CEP85L: variants seen among roughly 807,000 people sequenced by gnomAD.
CEP85L encodes centrosomal protein of 85 kDa-like.
CEP85L carries 60 observed loss-of-function variants against 100.3 expected under a neutral mutation model. The ratio of observed to expected loss-of-function variants is 0.60; its 90% CI spans 0.49 to 0.74. The LOEUF is 0.74. Among genes scored for constraint, CEP85L ranks in the 30% least tolerant of loss-of-function variants. The probability of loss-of-function intolerance (pLI) is 0.00; values close to 1 mark genes in which losing one functional copy is unlikely to be tolerated. For missense variants in CEP85L, 973 were observed against 936.2 expected (o/e 1.04, Z -0.51); for synonymous variants, 319 against 322.7 (o/e 0.99, Z 0.12).
intron 6 of CEP85L, among the ~76,000 whole-genome samples, chr6:118,485,375 A>C (rs1562187828): frequency 6.7e-6 from 1 of 149,000 alleles, no homozygotes; most frequent in African/African-American, 2.5e-5. Context: ...GTATTTTCTA[A>C]TTTTTTTCAG....
At chr6:118,655,338 G>T (rs1202730517), upstream of CEP85L, among the ~76,000 whole-genome samples, 2 of 152,160 alleles carry the variant, frequency 1.3e-5, no homozygotes, top group Non-Finnish European at 2.9e-5. Flanking sequence ...ATAGGAAGTG[G>T]GTGTGGGAGG....
intron 6 of CEP85L, among the ~76,000 whole-genome samples, chr6:118,487,119 A>T (rs1033796605): frequency 7.2e-5 from 11 of 152,230 alleles, no homozygotes; most frequent in African/African-American, 2.4e-4. Flanking sequence ...GAAAAATATT[A>T]AGCTAGATTT....
intron 3 of CEP85L, chr6:118,560,594 G>A (rs1432475806): frequency 6.0e-6 from 1 of 166,944 alleles, no homozygotes; most frequent in African/African-American, 2.4e-5. Flanking sequence ...TTGTTCAAGG[G>A]TCAACTGTAA....
chr6:118,501,895 C>T, intron 5 of CEP85L: 1 of 1,180,496 alleles, frequency 8.5e-7, no homozygotes, highest in South Asian at 1.3e-5. Flanking sequence ...AAAAGAAAGA[C>T]AAAGATATGC....
upstream of CEP85L, among the ~76,000 whole-genome samples, chr6:118,653,031 T>C (rs146698895): frequency 2.4e-3 from 372 of 152,350 alleles, no homozygotes; most frequent in Admixed American, 5.3e-3. Flanking sequence ...TCATTTGTGA[T>C]GCAGTTCTAA....
At position 118,558,982 on chromosome 6, in the gene CEP85L, C is replaced by CCT. The variant is rs794729138; in HGVS notation, c.1020+6545_1020+6546dup. On this transcript the variant is annotated intron_variant, in intron 3 of 12. Coordinates refer to ENST00000368491, the MANE Select transcript of CEP85L (RefSeq NM_001042475.3). The stretch of plus-strand genomic sequence containing the variant: ...AAGAAGAGCCTCAACCATTGAAATG[C>CCT]CTCAACAAGCACGTCAAAAGCTACA... 31 of 1,611,584 alleles carry CCT rather than the reference C, an allele frequency of 1.9e-5. No homozygotes were observed. Among genetic ancestry groups the CCT allele is most frequent in the Non-Finnish European group, 2.6e-5 (31 of 1,177,812 alleles).
intron 2 of CEP85L, among the ~76,000 whole-genome samples, chr6:118,573,361 A>G (rs1489990688): frequency 6.6e-6 from 1 of 152,252 alleles, no homozygotes; most frequent in African/African-American, 2.4e-5. Flanking sequence ...ATAGAAAAAT[A>G]TATTTTCAGC....
chr6:118,681,302 TG>T lies in CEP85L; in HGVS notation c.-27-28495del, dbSNP rs546574643. Among the ~76,000 whole-genome samples the T allele has an allele frequency of 1.1e-3, 162 of 152,340 alleles. 1 individual carries two copies. The highest frequency in any genetic ancestry group is 2.0e-3 in the Non-Finnish European group (138 of 68,036). On this transcript the variant is annotated intron_variant, in intron 1 of 13. Coordinates refer to the CEP85L transcript ENST00000368488. ...TTGTGTTTACATTTAGAGCATTCTG[TG>T]CTGAGGTATTCTCTGGCTCATATAT...
chr6:118,526,328 T>C (rs1252077451), intron 3 of CEP85L, among the ~76,000 whole-genome samples: 2 of 152,162 alleles, frequency 1.3e-5, no homozygotes, highest in South Asian at 2.1e-4. Context: ...CTCTCCAGAA[T>C]GCCCCATGAT....
chr6:118,701,590 A>G (rs1248118246), intron 1 of CEP85L, among the ~76,000 whole-genome samples: 1 of 152,220 alleles, frequency 6.6e-6, no homozygotes, highest in Admixed American at 6.5e-5. Context: ...TCATGGACAT[A>G]AAGATGGCAA....
intron 1 of CEP85L, among the ~76,000 whole-genome samples, chr6:118,688,160 C>A (rs1776902124): frequency 6.6e-6 from 1 of 152,042 alleles, no homozygotes; most frequent in Non-Finnish European, 1.5e-5. Context: ...CACCACCACA[C>A]CCGGCTAATT....
At chr6:118,490,995 G>A (rs1474022154) in intron 6 of CEP85L, among the ~76,000 whole-genome samples, 2 of 152,066 alleles carry the variant, frequency 1.3e-5, no homozygotes, top group Non-Finnish European at 2.9e-5. Flanking sequence ...ACAAGCATGT[G>A]CAAGTGTTTT....
chr6:118,592,773 G>A (rs775836076), intron 2 of CEP85L, among the ~76,000 whole-genome samples: 2 of 152,008 alleles, frequency 1.3e-5, no homozygotes, highest in Non-Finnish European at 2.9e-5. Flanking sequence ...ATAAATGTTG[G>A]TATCATTATT....
intron 3 of CEP85L, 64 bp from the exon 4 acceptor site, chr6:118,523,984 C>T: frequency 6.5e-6 from 4 of 611,834 alleles, no homozygotes; most frequent in Non-Finnish European, 7.7e-6. Flanking sequence ...TATATATTAT[C>T]ATATTTTCCC....
chr6:118,645,709 A>G (rs1271080982), intron 1 of CEP85L, among the ~76,000 whole-genome samples: 1 of 152,142 alleles, frequency 6.6e-6, no homozygotes, highest in East Asian at 1.9e-4. Flanking sequence ...CAAAACCTAA[A>G]AAATGTTTTT....
At chr6:118,603,503 A>T (rs1333840514) in intron 2 of CEP85L, among the ~76,000 whole-genome samples, 2 of 152,248 alleles carry the variant, frequency 1.3e-5, no homozygotes, top group Non-Finnish European at 2.9e-5. Context: ...ACTCGCAACT[A>T]GTTTCCAAAT....
chr6:118,530,067 T>C (rs949652116), intron 3 of CEP85L, among the ~76,000 whole-genome samples: 1 of 152,086 alleles, frequency 6.6e-6, no homozygotes, highest in South Asian at 2.1e-4. Context: ...TATAAAACTT[T>C]ATAAGGTAAA....
intron 8 of CEP85L, 26 bp from the exon 9 acceptor site, chr6:118,480,539 G>T (rs1340661276): frequency 2.2e-6 from 3 of 1,391,694 alleles, no homozygotes; most frequent in Non-Finnish European, 3.0e-6. Context: ...ATTATATGAA[G>T]AAAATAAGCT....
chr6:118,474,089 C>A (rs1773170145), intron 10 of CEP85L, among the ~76,000 whole-genome samples: 1 of 152,052 alleles, frequency 6.6e-6, no homozygotes, highest in African/African-American at 2.4e-5. Flanking sequence ...TGAGGAGCTC[C>A]ACAGACCTAC....
Sources: allele counts gnomAD v4.1 joint callset (sites outside exome capture counted in the v4.1 genomes callset), GRCh38; gene constraint gnomAD v4.1.1; transcripts MANE v1.5; gene names NCBI Gene and HGNC (gene_info 2026-07-23, HGNC 2026-07-21).